The following SIDT2 variants were observed in gnomAD, a reference collection of about 807,000 sequenced individuals.
The protein encoded by SIDT2 is SID1 transmembrane family, member 2.
Under a neutral mutation model 114.4 loss-of-function variants are expected in SIDT2, and 68 were observed. The observed-to-expected ratio is 0.59, with a 90% CI of 0.49 to 0.73. The LOEUF is 0.73. SIDT2 is among the 30% of genes least tolerant of loss of function. The pLI is 0.00. For missense variants in SIDT2, 918 were observed against 1,097.1 expected (o/e 0.84, Z 2.31); for synonymous variants, 470 against 438.4 (o/e 1.07, Z -0.90).
In SIDT2 at chr11:117,188,866, G is replaced by T. The variant is rs1047747915; in HGVS notation, c.1278+40G>T. 7 of 1,569,576 alleles carry T rather than the reference G, an allele frequency of 4.5e-6. No homozygotes were observed. The African/African-American group carries it at 9.5e-5, about 21-fold the overall frequency. Reference sequence around the variant, plus strand: ...CCTGGCCTGGTCAGGCGTTTCCTGAGAAAGGGACATTCTGCGTTCCCGCCC... The same window carrying T: ...CCTGGCCTGGTCAGGCGTTTCCTGATAAAGGGACATTCTGCGTTCCCGCCC... On this transcript the variant is annotated intron_variant, in intron 13 of 25. Coordinates refer to ENST00000324225, the MANE Select transcript of SIDT2 (RefSeq NM_001040455.2). This position sits in a 1 kb window ranked among gnomAD's most constrained non-coding sequence, Gnocchi z 4.0.
intron 10 of SIDT2, 75 bp downstream of exon 10, chr11:117,186,711 AG>A: frequency 4.9e-6 from 4 of 821,760 alleles, no homozygotes; most frequent in Middle Eastern, 3.0e-4. Context: ...ATGGTTCCCT[AG>A]GGGGTTGGAG....
intron 25 of SIDT2, 30 bp downstream of exon 25, chr11:117,195,945 G>C: frequency 6.2e-7 from 1 of 1,614,224 alleles, no homozygotes; most frequent in African/African-American, 1.3e-5. Flanking sequence ...GAGCCGGGTG[G>C]GTACGTGAAG....
intron 8 of SIDT2, 36 bp downstream of exon 8, chr11:117,184,175 GC>G: frequency 6.3e-7 from 1 of 1,596,206 alleles, no homozygotes; most frequent in Non-Finnish European, 8.6e-7. Context: ...GGATGGACAA[GC>G]CTCTCTGGCT....
chr11:117,182,038 G>A, intron 3 of SIDT2, 22 bp from the exon 4 acceptor site: 1 of 1,612,160 alleles, frequency 6.2e-7, no homozygotes, highest in Non-Finnish European at 8.5e-7. Flanking sequence ...GTGACTGGTG[G>A]GGGCTCTTCT....
chr11:117,188,873 A>T lies in SIDT2; in HGVS notation c.1278+47A>T. On this transcript the variant is annotated intron_variant, in intron 13 of 25. Transcript: ENST00000324225. The surrounding 1 kb of genome is among the most constrained non-coding windows in gnomAD (Gnocchi z 4.0). ...TGGTCAGGCGTTTCCTGAGAAAGGG[A>T]CATTCTGCGTTCCCGCCCCAGCATG... The T allele has an allele frequency of 2.6e-6, 4 of 1,543,694 alleles. No homozygotes were observed. Among genetic ancestry groups the T allele is most frequent in the Non-Finnish European group, 3.6e-6 (4 of 1,115,790 alleles).
chr11:117,189,891 G>GGGGCGTGGGCTGAGTT lies in SIDT2; in HGVS notation c.1420-53_1420-38dup. 9 of 1,556,632 alleles carry GGGGCGTGGGCTGAGTT rather than the reference G, an allele frequency of 5.8e-6. No individual in the cohort carries two copies. In the South Asian group the frequency reaches 1.0e-4, roughly 17 times the overall value. ...TTTTTGCCAAAGGGGCCCGGATGGCGGGGCGTGGGCTGAGTTGGGCGTGAC... is the reference window on the plus strand; with the variant it reads ...TTTTTGCCAAAGGGGCCCGGATGGCGGGGCGTGGGCTGAGTTGGGCGTGGGCTGAGTTGGGCGTGAC... On this transcript the variant is annotated intron_variant, in intron 15 of 25. Coordinates refer to ENST00000324225, the MANE Select transcript of SIDT2 (RefSeq NM_001040455.2).
At chr11:117,187,831 T>C (rs1410280497) in intron 12 of SIDT2, 132 bp downstream of exon 12, 1 of 828,818 alleles carries the variant, frequency 1.2e-6, no homozygotes, top group Admixed American at 2.0e-5. Flanking sequence ...CTAACCCCTC[T>C]CTTCCCTCAT....
intron 22 of SIDT2, 23 bp from the exon 23 acceptor site, chr11:117,193,130 C>T: frequency 6.2e-7 from 1 of 1,612,226 alleles, no homozygotes; most frequent in Non-Finnish European, 8.5e-7. Flanking sequence ...TCCTGCTTCA[C>T]CACCCTTCAT....
chr11:117,180,635 A>G, intron 1 of SIDT2, among the ~76,000 whole-genome samples: 1 of 148,660 alleles, frequency 6.7e-6, no homozygotes, highest in South Asian at 2.1e-4. Flanking sequence ...TTCCCGGTTC[A>G]AGCGATTCTC....
In SIDT2 at chr11:117,190,771, A is replaced by G. The variant is rs750245975; in HGVS notation, c.1735+31A>G. 4.5e-6 allele frequency: 7 copies of G among 1,562,322 alleles called. No individual in the cohort carries two copies. The highest frequency in any genetic ancestry group is 2.2e-5 in the East Asian group (1 of 44,606). On this transcript the variant is annotated intron_variant, in intron 18 of 25. Transcript: ENST00000324225. The surrounding 1 kb of genome is among the most constrained non-coding windows in gnomAD (Gnocchi z 4.1). Reference sequence around the variant, plus strand: ...TGGGGCGTCCTTCTTTTCTGGCTCAACCTACAGCAGGGACCTGCCTGAGTC... The same window carrying G: ...TGGGGCGTCCTTCTTTTCTGGCTCAGCCTACAGCAGGGACCTGCCTGAGTC...
Position 117,196,225 on chromosome 11 carries a change from C to T in SIDT2, c.*159C>T. 1.0e-6 allele frequency: 1 copy of T among 960,384 alleles called. No individual in the cohort carries two copies. Among genetic ancestry groups the T allele is most frequent in the Non-Finnish European group, 1.5e-6 (1 of 651,720 alleles). The allele number at this position is 960,384 out of a possible 1,614,324, so 59.5% of individuals were successfully genotyped here. ...CTAGCTTAGGCTTGGCCTGGGACAGCCATGGGGTGGCATGGAACCTTGCAG... is the reference window on the plus strand; with the variant it reads ...CTAGCTTAGGCTTGGCCTGGGACAGTCATGGGGTGGCATGGAACCTTGCAG... On this transcript the variant is annotated 3_prime_UTR_variant, in exon 26 of 26. Transcript: ENST00000324225. The surrounding 1 kb of genome is among the most constrained non-coding windows in gnomAD (Gnocchi z 4.9).
At chr11:117,182,173 C>G (rs1039332481) in intron 4 of SIDT2, 68 bp downstream of exon 4, 21 of 1,575,794 alleles carry the variant, frequency 1.3e-5, no homozygotes, top group Non-Finnish European at 1.6e-5. Context: ...TGGGAGTGGC[C>G]AGCGGTCTTT....
rs764473000 is a variant in SIDT2, at chr11:117,191,888, C to G, written c.1746C>G (p.Phe582Leu). 1.2e-6 allele frequency: 2 copies of G among 1,614,004 alleles called. No homozygotes were observed. Among genetic ancestry groups the G allele is most frequent in the Non-Finnish European group, 1.7e-6 (2 of 1,180,038 alleles). ...TGTCCCTCATCCTAGACACATCGTTCATGTACATGATCGCCGGACTCTGCA... is the reference window on the plus strand; with the variant it reads ...TGTCCCTCATCCTAGACACATCGTTGATGTACATGATCGCCGGACTCTGCA... Reference protein sequence around the residue: ...NYTNFQFDTSFMYMIAGLCML... With the variant: ...NYTNFQFDTSLMYMIAGLCML... The change falls in exon 19 of 26, where the codon TTC becomes TTG. Residue 582 changes from phenylalanine to leucine, a missense_variant. Phe to Leu is a conservative substitution (Grantham distance 22, BLOSUM62 0). Around this residue, in one of 4 missense-constraint regions of SIDT2, gnomAD observed 275 missense variants for 397.6 expected, o/e 0.69. Coordinates refer to ENST00000324225, the MANE Select transcript of SIDT2 (RefSeq NM_001040455.2).
Position 117,184,094 on chromosome 11 carries a change from C to A in SIDT2, c.823C>A (p.His275Asn). 1 of 1,614,182 alleles carries A rather than the reference C, an allele frequency of 6.2e-7. No homozygotes were observed. Among genetic ancestry groups the A allele is most frequent in the African/African-American group, 1.3e-5 (1 of 75,058 alleles). Residue 275 changes from histidine (H) to asparagine (N), a missense_variant, in exon 8 of 26, where the codon CAC becomes AAC. Coordinates refer to ENST00000324225, the MANE Select transcript of SIDT2 (RefSeq NM_001040455.2). ...TCCAGATGAACCGGTCGATCAAGGG[C>A]ACCGCCAGAAAACCCTGTCAGTGCT... Reference protein sequence around the residue: ...FAEDEPVDQGHRQKTLSVLVS... With the variant: ...FAEDEPVDQGNRQKTLSVLVS...
chr11:117,191,002 G>A lies in SIDT2; in HGVS notation c.1735+262G>A, dbSNP rs1010468173. The A allele has an allele frequency of 2.2e-5, 7 of 325,518 alleles. No individual in the cohort carries two copies. The East Asian group carries it at 4.2e-4, about 20-fold the overall frequency. 20.2% of individuals were successfully genotyped at this position (325,518 alleles called of 1,614,324 possible). On this transcript the variant is annotated intron_variant, in intron 18 of 25. Coordinates refer to ENST00000324225, the MANE Select transcript of SIDT2 (RefSeq NM_001040455.2). ...TAATTAAGAAGGGGTCCCTGGCCGG[G>A]TGCAGTGGCTCACGCCTGTAATCCC...
intron 13 of SIDT2, 113 bp from the exon 14 acceptor site, chr11:117,189,056 G>GC (rs929404623): frequency 4.3e-6 from 5 of 1,164,598 alleles, no homozygotes; most frequent in African/African-American, 1.5e-5. Flanking sequence ...CTTGAACCCT[G>GC]CCCCCCTGAA....
intron 2 of SIDT2, 118 bp downstream of exon 2, chr11:117,181,655 C>T: frequency 6.3e-7 from 1 of 1,576,694 alleles, no homozygotes; most frequent in Non-Finnish European, 8.6e-7. Context: ...GGCTGGTCAA[C>T]AGCACAAGGG....
At chr11:117,193,123 T>A in intron 22 of SIDT2, 30 bp from the exon 23 acceptor site, 1 of 1,610,392 alleles carries the variant, frequency 6.2e-7, no homozygotes, top group Non-Finnish European at 8.5e-7. Context: ...TTGGGCTTCC[T>A]GCTTCACCAC....
rs761384595 is a variant in SIDT2 at position 117,193,910 on chromosome 11, G to A, written c.2269G>A (p.Val757Met). The A allele has an allele frequency of 1.4e-5, 23 of 1,613,992 alleles. No individual in the cohort carries two copies. Among genetic ancestry groups the A allele is most frequent in the South Asian group, 7.7e-5 (7 of 91,092 alleles). ...CCTGCTCTGCATCGTTTGCACCTCC[G>A]TGGTCTGGGGCTTCGCGCTCTTCTT... ...IPLLCIVCTS[V>M]VWGFALFFFF... The change falls in exon 24 of 26, where the codon GTG becomes ATG. Residue 757 changes from valine to methionine, a missense_variant. By Grantham distance (21) the Val-to-Met change is conservative. Coordinates refer to ENST00000324225, the MANE Select transcript of SIDT2 (RefSeq NM_001040455.2).
Sources: allele counts gnomAD v4.1 joint callset (sites outside exome capture counted in the v4.1 genomes callset), GRCh38; gene constraint gnomAD v4.1.1; regional missense constraint gnomAD v4.1.1; non-coding constraint Gnocchi (gnomAD v3.1); transcripts MANE v1.5; gene names NCBI Gene and HGNC (gene_info 2026-07-23, HGNC 2026-07-21).